The following TDRD10 variants were observed in gnomAD, a reference collection of about 807,000 sequenced individuals.
TDRD10 encodes the protein tudor domain containing 10, also known as tudor domain-containing protein 10.
TDRD10 carries 40 observed loss-of-function variants against 48.0 expected under a neutral mutation model. The observed-to-expected ratio is 0.83, with a 90% CI of 0.65 to 1.09. TDRD10 has a LOEUF of 1.09. Ranked by LOEUF, TDRD10 falls within the 50% of genes least tolerant of loss-of-function variation. TDRD10 has a pLI of 0.00. For synonymous variants in TDRD10, 162 were observed against 170.4 expected (o/e 0.95, Z 0.38); for missense variants, 378 against 434.7 (o/e 0.87, Z 1.16).
intron 4 of TDRD10, among the ~76,000 whole-genome samples, chr1:154,511,809 T>C (rs1197928493): frequency 6.6e-6 from 1 of 152,028 alleles, no homozygotes; most frequent in African/African-American, 2.4e-5. Context: ...GATTGCGCCA[T>C]TGGACTCCAG....
At chr1:154,536,814 C>A (rs1345155713) in intron 6 of TDRD10, among the ~76,000 whole-genome samples, 1 of 152,224 alleles carries the variant, frequency 6.6e-6, no homozygotes, top group Non-Finnish European at 1.5e-5. Flanking sequence ...TATTGAGATG[C>A]ATCCATGTGG....
intron 6 of TDRD10, among the ~76,000 whole-genome samples, chr1:154,528,878 T>C (rs1334981508): frequency 6.6e-6 from 1 of 152,186 alleles, no homozygotes; most frequent in Non-Finnish European, 1.5e-5. Context: ...TAAGTGCATC[T>C]CTTTGTATAC....
intron 8 of TDRD10, 57 bp from the exon 9 acceptor site, chr1:154,543,905 TC>T (rs1695395649): frequency 1.2e-6 from 2 of 1,600,704 alleles, no homozygotes; most frequent in Non-Finnish European, 1.7e-6. Context: ...GTCCAGTCGT[TC>T]CTTTCCTTGC....
In TDRD10 at chr1:154,506,888, G is replaced by A. The variant is rs1358493470; in HGVS notation, c.-16G>A. ...GGTTGGTTTTGTAGGAGATCCTGTT[G>A]GAAAGCAACTGCAGCATGTAAGTCC... On this transcript the variant is annotated 5_prime_UTR_variant, in exon 2 of 13. Coordinates refer to ENST00000368482, the MANE Select transcript of TDRD10 (RefSeq NM_182499.4). 1 of 1,613,992 alleles carries A rather than the reference G, an allele frequency of 6.2e-7. No homozygotes were observed. Among genetic ancestry groups the A allele is most frequent in the Non-Finnish European group, 8.5e-7 (1 of 1,179,976 alleles).
intron 6 of TDRD10, among the ~76,000 whole-genome samples, chr1:154,524,756 A>G (rs1441230074): frequency 1.3e-5 from 2 of 150,796 alleles, no homozygotes; most frequent in East Asian, 1.9e-4. Flanking sequence ...CTGGGTTGGA[A>G]CTCCATTGTC....
Position 154,542,016 on chromosome 1 carries a change from C to A in TDRD10, c.370-8C>A. 1 of 1,613,580 alleles carries A rather than the reference C, an allele frequency of 6.2e-7. No homozygotes were observed. Among genetic ancestry groups the A allele is most frequent in the Non-Finnish European group, 8.5e-7 (1 of 1,179,766 alleles). On this transcript the variant is annotated splice_region_variant and splice_polypyrimidine_tract_variant and intron_variant, in intron 6 of 12. Transcript: ENST00000368482. Reference sequence around the variant, plus strand: ...TGGCTGAGTGAGACCTTTCATTTTTCTTCCCAGGTGTTGGAGAAGGCTTCT... The same window carrying A: ...TGGCTGAGTGAGACCTTTCATTTTTATTCCCAGGTGTTGGAGAAGGCTTCT...
At chr1:154,511,076 A>G (rs1028915467) in intron 4 of TDRD10, among the ~76,000 whole-genome samples, 1 of 151,686 alleles carries the variant, frequency 6.6e-6, no homozygotes, top group Non-Finnish European at 1.5e-5. Flanking sequence ...TATATATAAT[A>G]TTTACATATC....
At chr1:154,517,475 G>T (rs188121389) in intron 4 of TDRD10, among the ~76,000 whole-genome samples, 2 of 149,524 alleles carry the variant, frequency 1.3e-5, no homozygotes, top group East Asian at 2.0e-4. Flanking sequence ...AGGCTGGAGC[G>T]CAATGGTGCG....
chr1:154,547,790 C>T lies in TDRD10; in HGVS notation c.*80C>T. The T allele has an allele frequency of 6.4e-7, 1 of 1,563,348 alleles. No individual in the cohort carries two copies. The highest frequency in any genetic ancestry group is 8.8e-7 in the Non-Finnish European group (1 of 1,136,008). ...CTGCCCTGTCTTCTCGTACCCCTTTCACTCTTGAGGCCTGGGAGGTGAAAA... is the reference window on the plus strand; with the variant it reads ...CTGCCCTGTCTTCTCGTACCCCTTTTACTCTTGAGGCCTGGGAGGTGAAAA... On this transcript the variant is annotated 3_prime_UTR_variant, in exon 13 of 13. Coordinates refer to ENST00000368482, the MANE Select transcript of TDRD10 (RefSeq NM_182499.4).
chr1:154,506,380 C>CT (rs35085696), intron 1 of TDRD10, among the ~76,000 whole-genome samples: 91,265 of 145,080 alleles, frequency 0.63, 32,687 homozygotes, highest in East Asian at 0.84. Flanking sequence ...ACGTCTCTCT[C>CT]TTTTTTTTTT....
chr1:154,517,857 TGG>T (rs1693859460), intron 4 of TDRD10, among the ~76,000 whole-genome samples: 1 of 152,210 alleles, frequency 6.6e-6, no homozygotes, highest in Non-Finnish European at 1.5e-5. Flanking sequence ...CGAGTGCCTC[TGG>T]GACCTGTACT....
chr1:154,541,685 AGCAG>A, intron 6 of TDRD10, among the ~76,000 whole-genome samples: 1 of 152,308 alleles, frequency 6.6e-6, no homozygotes, highest in African/African-American at 2.4e-5. Flanking sequence ...AGGTAGTGCC[AGCAG>A]GGCACCAGGA....
intron 11 of TDRD10, among the ~76,000 whole-genome samples, chr1:154,545,527 GCATA>G (rs929526385): frequency 3.3e-5 from 5 of 152,152 alleles, no homozygotes; most frequent in Admixed American, 6.5e-5. Flanking sequence ...AGGTGAAGAA[GCATA>G]CATACACATA....
Position 154,542,675 on chromosome 1 carries a change from G to C in TDRD10, c.413-56G>C, listed in dbSNP as rs1204225276. The C allele has an allele frequency of 2.7e-6, 4 of 1,461,288 alleles. No individual in the cohort carries two copies. The Admixed American group carries it at 7.2e-5, about 26-fold the overall frequency. The allele number at this position is 1,461,288 out of a possible 1,614,324, so 90.5% of individuals were successfully genotyped here. A position where few individuals can be genotyped will look rare whatever the true frequency, so the allele number is the denominator to read the frequency against. The stretch of plus-strand genomic sequence containing the variant: ...CCAAGGCCTCTTGTGGGTTAGGGGA[G>C]CAATTCCTCTCTGGGTAGTTCTGGT... On this transcript the variant is annotated intron_variant, in intron 7 of 12. Coordinates refer to ENST00000368482, the MANE Select transcript of TDRD10 (RefSeq NM_182499.4).
rs149740279 is a variant in TDRD10, at chr1:154,544,756, G to A, written c.798-39G>A. 147 of 1,606,428 alleles carry A rather than the reference G, an allele frequency of 9.2e-5. 1 individual carries two copies. In the Admixed American group the frequency reaches 1.1e-3, roughly 12 times the overall value. ...AGGACTGCTGTGCATGGCACTAGGC[G>A]GAATGATTGTCCTCTGTCTTTCTCT... On this transcript the variant is annotated intron_variant, in intron 10 of 12. Transcript: ENST00000368482.
At chr1:154,505,321 G>T (rs376140203) in intron 1 of TDRD10, among the ~76,000 whole-genome samples, 1 of 152,190 alleles carries the variant, frequency 6.6e-6, no homozygotes, top group East Asian at 1.9e-4. Context: ...ATTTATGCTG[G>T]GCCTTGGCTT....
intron 6 of TDRD10, among the ~76,000 whole-genome samples, chr1:154,528,382 C>T (rs566749181): frequency 1.4e-4 from 21 of 151,894 alleles, no homozygotes; most frequent in Admixed American, 3.9e-4. Context: ...CACCACCACG[C>T]GCAGCAAATT....
chr1:154,532,960 C>T (rs1375064973), intron 6 of TDRD10, among the ~76,000 whole-genome samples: 19 of 142,584 alleles, frequency 1.3e-4, no homozygotes, highest in Non-Finnish European at 3.0e-4. Context: ...CTCTCCACTA[C>T]ACTTCTGACA....
chr1:154,524,154 C>T (rs1694191852), intron 6 of TDRD10, among the ~76,000 whole-genome samples: 1 of 151,982 alleles, frequency 6.6e-6, no homozygotes, highest in African/African-American at 2.4e-5. Flanking sequence ...AATTTTCAGG[C>T]CCCTTTACAA....
Sources: gnomAD v4.1 joint callset for allele counts (sites outside exome capture counted in the v4.1 genomes callset) on GRCh38, gnomAD v4.1.1 for gene constraint, MANE v1.5 for transcripts, NCBI Gene and HGNC (gene_info 2026-07-23, HGNC 2026-07-21) for gene names.